Variants in FANK1 observed in about 807,000 individuals in gnomAD.
The protein encoded by FANK1 is fibronectin type III and ankyrin repeat domains 1.
A neutral mutation model predicts 45.3 loss-of-function variants in FANK1; 44 were observed. The observed-to-expected ratio is 0.97, with a 90% confidence interval of 0.76 to 1.25. FANK1 has a LOEUF of 1.25. FANK1 is among the 50% of genes most tolerant of loss of function. The probability of loss-of-function intolerance (pLI) is 0.00; values close to 1 mark genes in which losing one functional copy is unlikely to be tolerated. For synonymous variants in FANK1, 149 were observed against 152.5 expected (o/e 0.98, Z 0.17); for missense variants, 391 against 424.4 (o/e 0.92, Z 0.69).
At chr10:125,997,710 A>G (rs1825895543) in intron 6 of FANK1, among the ~76,000 whole-genome samples, 1 of 152,198 alleles carries the variant, frequency 6.6e-6, no homozygotes, top group Non-Finnish European at 1.5e-5. Flanking sequence ...GTTGTAACGT[A>G]TGGTGACTTC....
Position 126,009,463 on chromosome 10 carries a change from C to T in FANK1, c.*25C>T, listed in dbSNP as rs764667185. ...ATGAGAGCACCACTCATCTGCGAAA[C>T]GCACGTAAAACAAAGTGAACCGTGA... On this transcript the variant is annotated 3_prime_UTR_variant, in exon 11 of 11. Transcript: ENST00000368693. 24 of 1,611,218 alleles carry T rather than the reference C, an allele frequency of 1.5e-5. No homozygotes were observed. The highest frequency in any genetic ancestry group is 3.3e-4 in the Middle Eastern group (2 of 6,046).
chr10:125,973,737 C>T (rs1310161433), intron 1 of FANK1: 1 of 152,252 alleles, frequency 6.6e-6, no homozygotes, highest in Non-Finnish European at 1.5e-5. Flanking sequence ...AAAGTCTTTT[C>T]ATGAAGAAAT....
chr10:125,971,405 C>T (rs1030470574), intron 1 of FANK1, among the ~76,000 whole-genome samples: 14 of 151,744 alleles, frequency 9.2e-5, no homozygotes, highest in African/African-American at 2.4e-4. Flanking sequence ...TCCCTGACCT[C>T]GGTGCTATAA....
chr10:125,987,315 A>G (rs1444643442), intron 2 of FANK1, among the ~76,000 whole-genome samples: 2 of 152,166 alleles, frequency 1.3e-5, no homozygotes, highest in Admixed American at 1.3e-4. Flanking sequence ...TTGCACATAA[A>G]CATCCTGGAA....
intron 1 of FANK1, among the ~76,000 whole-genome samples, chr10:125,938,973 A>G (rs1171331757): frequency 1.3e-5 from 2 of 152,238 alleles, no homozygotes; most frequent in Non-Finnish European, 2.9e-5. Context: ...TAACCAAGTC[A>G]TCAAGCTTAG....
intron 1 of FANK1, among the ~76,000 whole-genome samples, chr10:125,943,881 C>T (rs1948608811): frequency 6.6e-6 from 1 of 152,228 alleles, no homozygotes; most frequent in Non-Finnish European, 1.5e-5. Context: ...GGGAAGGCAG[C>T]TTTCCCAGGG....
chr10:125,911,269 C>T (rs1945983691), intron 1 of FANK1, among the ~76,000 whole-genome samples: 1 of 152,094 alleles, frequency 6.6e-6, no homozygotes, highest in Non-Finnish European at 1.5e-5. Flanking sequence ...ATCATAGAGC[C>T]AAGGTGTGTG....
chr10:125,936,989 C>A (rs1948143320), intron 1 of FANK1, among the ~76,000 whole-genome samples: 1 of 152,080 alleles, frequency 6.6e-6, no homozygotes, highest in African/African-American at 2.4e-5. Context: ...ATCGCTTGAA[C>A]CCGGATGGCG....
chr10:125,949,871 C>A (rs1248876491), intron 1 of FANK1, among the ~76,000 whole-genome samples: 1 of 146,426 alleles, frequency 6.8e-6, no homozygotes, highest in East Asian at 2.0e-4. Context: ...AACTATACTA[C>A]AAGGCTACAG....
chr10:126,004,129 C>T (rs1952989903), intron 6 of FANK1: 1 of 149,294 alleles, frequency 6.7e-6, no homozygotes, highest in African/African-American at 2.5e-5. Context: ...AGCTTCCCCC[C>T]ACCAACTGGG....
intron 2 of FANK1, among the ~76,000 whole-genome samples, chr10:125,986,574 T>C (rs73370542): frequency 0.017 from 2,529 of 152,202 alleles, 74 homozygotes; most frequent in African/African-American, 0.055. Context: ...GCAGTGAGAG[T>C]ACCTAGACCA....
chr10:125,949,416 CAA>C (rs971663916), intron 1 of FANK1, among the ~76,000 whole-genome samples: 1 of 152,124 alleles, frequency 6.6e-6, no homozygotes, highest in African/African-American at 2.4e-5. Flanking sequence ...ACAACTTCAG[CAA>C]AGTCTCAGGA....
intron 3 of FANK1, chr10:125,994,364 T>C: frequency 1.0e-6 from 1 of 984,428 alleles, no homozygotes; most frequent in African/African-American, 1.7e-5. Context: ...GGACTTGGCA[T>C]GTACATTACT....
chr10:125,986,247 A>G (rs1209879021), intron 2 of FANK1, among the ~76,000 whole-genome samples: 1 of 152,192 alleles, frequency 6.6e-6, no homozygotes, highest in Admixed American at 6.5e-5. Context: ...GTACGTGGTC[A>G]GAGGTGCCTC....
At chr10:125,985,331 T>C (rs1222749253) in intron 2 of FANK1, among the ~76,000 whole-genome samples, 1 of 152,218 alleles carries the variant, frequency 6.6e-6, no homozygotes, top group African/African-American at 2.4e-5. Flanking sequence ...TCAGTTTCTA[T>C]GACTCAAATA....
At chr10:125,944,617 C>A (rs1467460047) in intron 1 of FANK1, among the ~76,000 whole-genome samples, 8 of 152,146 alleles carry the variant, frequency 5.3e-5, no homozygotes, top group African/African-American at 1.9e-4. Context: ...TGTGGGTTTA[C>A]AGGAATGAGG....
intron 1 of FANK1, among the ~76,000 whole-genome samples, chr10:125,919,445 A>T: frequency 6.6e-6 from 1 of 151,992 alleles, no homozygotes; most frequent in Admixed American, 6.6e-5. Context: ...ACCTCAGGTG[A>T]TCCTCCCCCC....
intron 1 of FANK1, among the ~76,000 whole-genome samples, chr10:125,932,379 A>G (rs1200353035): frequency 6.6e-6 from 1 of 152,090 alleles, no homozygotes; most frequent in African/African-American, 2.4e-5. Context: ...GATTTATTTC[A>G]GAGGTGTTTT....
rs541572628 is a variant in FANK1, at chr10:125,945,928, A to T, written c.14-34233A>T. Among the ~76,000 whole-genome samples, 36 of 152,314 alleles carry T rather than the reference A, an allele frequency of 2.4e-4. 1 individual carries two copies. The South Asian group carries it at 7.2e-3, about 31-fold the overall frequency. ...TGAGAACCGGCAGACTGCCTCCTCA[A>T]GTGGGTCCCTGACCACTGACCCCTG... is the stretch of plus-strand genomic sequence containing the variant. On this transcript the variant is annotated intron_variant, in intron 1 of 10. Coordinates refer to ENST00000368693, the MANE Select transcript of FANK1 (RefSeq NM_145235.5).
Sources: allele counts gnomAD v4.1 joint callset (sites outside exome capture counted in the v4.1 genomes callset), GRCh38; gene constraint gnomAD v4.1.1; transcripts MANE v1.5; gene names NCBI Gene and HGNC (gene_info 2026-07-23, HGNC 2026-07-21).